Variants in TASP1 observed in about 807,000 individuals in gnomAD.
TASP1 encodes taspase 1.
A neutral mutation model predicts 56.6 loss-of-function variants in TASP1; 16 were observed. The observed-to-expected ratio is 0.28, with a 90% CI of 0.19 to 0.43. The LOEUF (loss-of-function observed/expected upper bound fraction) is 0.43. Among genes scored for constraint, TASP1 ranks in the 20% least tolerant of loss-of-function variants. The probability of loss-of-function intolerance (pLI) is 1.00; values close to 1 mark genes in which losing one functional copy is unlikely to be tolerated. For missense variants in TASP1, 393 were observed against 511.6 expected (o/e 0.77, Z 2.24); for synonymous variants, 179 against 184.2 (o/e 0.97, Z 0.23).
rs922987528 is a variant in TASP1, at chr20:13,631,793, G to A, written c.-74-1641C>T. On this transcript the variant is annotated intron_variant, in intron 1 of 13. Transcript: ENST00000337743. The stretch of plus-strand genomic sequence containing the variant: ...TTTTGTAAGAAAATACTGGCCAGGC[G>A]CGGTGGCTCACGCCTGTAATCTAGC... Among the ~76,000 whole-genome samples the A allele has an allele frequency of 6.6e-5, 10 of 152,292 alleles. No individual in the cohort carries two copies. In the South Asian group the frequency reaches 8.3e-4, roughly 13 times the overall value.
At chr20:13,352,536 A>C in the TASP1 span, among the ~76,000 whole-genome samples, 1 of 152,186 alleles carries the variant, frequency 6.6e-6, no homozygotes, top group Admixed American at 6.5e-5. Flanking sequence ...GGGCTCAAGT[A>C]AATTTATATT....
chr20:13,245,498 G>A, the TASP1 span: 2 of 152,160 alleles, frequency 1.3e-5, no homozygotes, highest in Non-Finnish European at 2.9e-5. Flanking sequence ...CACACTCAAA[G>A]GGAGGGGATT....
At chr20:13,407,393 G>A (rs1235244080) in intron 13 of TASP1, among the ~76,000 whole-genome samples, 1 of 152,164 alleles carries the variant, frequency 6.6e-6, no homozygotes, top group Non-Finnish European at 1.5e-5. Context: ...CCAAGCTACA[G>A]TATATATCTG....
At chr20:13,224,098 A>G in the TASP1 span, among the ~76,000 whole-genome samples, 1 of 152,122 alleles carries the variant, frequency 6.6e-6, no homozygotes, top group African/African-American at 2.4e-5. Context: ...TTATGCTCCT[A>G]GAAATATCTT....
the TASP1 span, among the ~76,000 whole-genome samples, chr20:13,296,297 C>T: frequency 6.6e-6 from 1 of 152,158 alleles, no homozygotes; most frequent in East Asian, 1.9e-4. Context: ...ATGCACAGGG[C>T]ATTCCTAGCT....
chr20:13,634,633 G>A (rs1034043252), intron 1 of TASP1, among the ~76,000 whole-genome samples: 1 of 151,162 alleles, frequency 6.6e-6, no homozygotes, highest in Non-Finnish European at 1.5e-5. Flanking sequence ...GGGAGGTTGA[G>A]ACAGGAGAAT....
chr20:13,122,742 C>T, the TASP1 span, among the ~76,000 whole-genome samples: 2 of 152,212 alleles, frequency 1.3e-5, no homozygotes, highest in African/African-American at 2.4e-5. Flanking sequence ...CTTATTATCT[C>T]TTCAGGGTCA....
the TASP1 span, among the ~76,000 whole-genome samples, chr20:13,372,398 G>A: frequency 2.6e-5 from 4 of 151,996 alleles, no homozygotes; most frequent in East Asian, 1.9e-4. Flanking sequence ...CCGTATCCTG[G>A]GCTCTCCTGA....
chr20:13,279,981 T>C, the TASP1 span: 1 of 1,334,982 alleles, frequency 7.5e-7, no homozygotes, highest in East Asian at 2.5e-5. Flanking sequence ...AGCAAAACCC[T>C]GCTTAGAGCA....
At chr20:13,592,923 C>A (rs1432910000) in intron 4 of TASP1, among the ~76,000 whole-genome samples, 1 of 152,100 alleles carries the variant, frequency 6.6e-6, no homozygotes, top group African/African-American at 2.4e-5. Flanking sequence ...ATTAACAAAT[C>A]TAATCCAGCA....
the TASP1 span, among the ~76,000 whole-genome samples, chr20:13,323,355 T>C: frequency 6.6e-6 from 1 of 152,012 alleles, no homozygotes; most frequent in Non-Finnish European, 1.5e-5. Flanking sequence ...GGCAAGAAAG[T>C]TGGAATCACA....
At position 13,400,169 on chromosome 20, in the gene TASP1, T is replaced by C. The variant is rs188694369; in HGVS notation, c.1171-9717A>G. Among the ~76,000 whole-genome samples, 3 of 152,326 alleles carry C rather than the reference T, an allele frequency of 2.0e-5. No individual in the cohort carries two copies. In the East Asian group the frequency reaches 5.8e-4, roughly 29 times the overall value. Reference sequence around the variant, plus strand: ...AAGTCCTCAAGTACAGGGATTCTTGTCGCTTGGTTCACTATGATGTCCCCA... The same window carrying C: ...AAGTCCTCAAGTACAGGGATTCTTGCCGCTTGGTTCACTATGATGTCCCCA... On this transcript the variant is annotated intron_variant, in intron 13 of 13. Transcript: ENST00000337743.
At chr20:13,111,196 T>C in the TASP1 span, among the ~76,000 whole-genome samples, 6 of 152,206 alleles carry the variant, frequency 3.9e-5, no homozygotes, top group Non-Finnish European at 1.5e-5. Context: ...TTCCCAGTCC[T>C]ACTGTGGGAA....
intron 11 of TASP1, among the ~76,000 whole-genome samples, chr20:13,455,159 A>G (rs910959756): frequency 3.9e-5 from 6 of 152,152 alleles, no homozygotes; most frequent in African/African-American, 1.4e-4. Context: ...TTTTTAAAAA[A>G]CATTTTTGGA....
the TASP1 span, among the ~76,000 whole-genome samples, chr20:13,225,317 A>C: frequency 6.6e-6 from 1 of 152,290 alleles, no homozygotes; most frequent in Admixed American, 6.5e-5. Context: ...TTTGAAGCAT[A>C]TTTCTACTGC....
At chr20:13,553,818 T>C (rs1488805987) in intron 8 of TASP1, among the ~76,000 whole-genome samples, 2 of 152,278 alleles carry the variant, frequency 1.3e-5, no homozygotes, top group East Asian at 1.9e-4. Context: ...ACCTACCAAA[T>C]AGCCACTACC....
the TASP1 span, among the ~76,000 whole-genome samples, chr20:13,210,611 GCA>G: frequency 7.6e-6 from 1 of 132,434 alleles, no homozygotes; most frequent in East Asian, 2.3e-4. Flanking sequence ...GTTTACATGT[GCA>G]CACGTGTGTG....
chr20:13,576,891 TA>T (rs1301350091), intron 6 of TASP1, among the ~76,000 whole-genome samples: 1 of 152,178 alleles, frequency 6.6e-6, no homozygotes, highest in African/African-American at 2.4e-5. Flanking sequence ...TGTAAAATAT[TA>T]AAATATTGCA....
chr20:13,194,951 G>A, the TASP1 span, among the ~76,000 whole-genome samples: 1 of 152,044 alleles, frequency 6.6e-6, no homozygotes, highest in Non-Finnish European at 1.5e-5. Flanking sequence ...CATAGAGAGA[G>A]GGGGTGCGCC....
Sources: allele counts gnomAD v4.1 joint callset (sites outside exome capture counted in the v4.1 genomes callset), GRCh38; gene constraint gnomAD v4.1.1; transcripts MANE v1.5; gene names NCBI Gene and HGNC (gene_info 2026-07-23, HGNC 2026-07-21).